TUBB8B: variants seen among roughly 807,000 people sequenced by gnomAD.
TUBB8B encodes tubulin beta 8B, also known as HSA18p11 beta-tubulin 4Q pseudogene.
A neutral mutation model predicts 31.9 loss-of-function variants in TUBB8B; 26 were observed. The ratio of observed to expected loss-of-function variants is 0.81; its 90% CI spans 0.60 to 1.13. TUBB8B has a LOEUF of 1.13. Among genes scored for constraint, TUBB8B ranks in the 50% most tolerant of loss-of-function variants. The probability of loss-of-function intolerance (pLI) is 0.00; values close to 1 mark genes in which losing one functional copy is unlikely to be tolerated. For missense variants in TUBB8B, 467 were observed against 586.7 expected, an observed-to-expected ratio of 0.80 and a Z score of 2.11; for synonymous variants, 173 against 231.0, an observed-to-expected ratio of 0.75 and a Z score of 2.28.
the TUBB8B span, among the ~76,000 whole-genome samples, chr18:65,038 C>A: frequency 6.6e-6 from 1 of 152,058 alleles, no homozygotes; most frequent in East Asian, 1.9e-4. Context: ...CGGTGGCTCA[C>A]ACCTGAAATC....
chr18:58,591 C>T, the TUBB8B span, among the ~76,000 whole-genome samples: 1 of 151,726 alleles, frequency 6.6e-6, no homozygotes, highest in South Asian at 2.1e-4. Context: ...TCACTATCAG[C>T]ATTTTCGTCA....
chr18:52,851 C>A (rs1198499812), upstream of TUBB8B, among the ~76,000 whole-genome samples: 1 of 151,696 alleles, frequency 6.6e-6, no homozygotes, highest in East Asian at 1.9e-4. Context: ...AATGCATTGT[C>A]TTTTGTTAGT....
chr18:49,393 C>T, intron 1 of TUBB8B, 108 bp downstream of exon 1: 2 of 802,330 alleles, frequency 2.5e-6, no homozygotes, highest in African/African-American at 3.4e-5. Flanking sequence ...CCGTCCCCGG[C>T]AGGGAGCCCA....
chr18:65,102 A>T, the TUBB8B span, among the ~76,000 whole-genome samples: 2 of 152,066 alleles, frequency 1.3e-5, no homozygotes, highest in Non-Finnish European at 2.9e-5. Context: ...GGAGTTTGAG[A>T]CCCGTCTTGC....
At chr18:53,939 A>G (rs1568386179), upstream of TUBB8B, among the ~76,000 whole-genome samples, 1 of 151,744 alleles carries the variant, frequency 6.6e-6, no homozygotes, top group Non-Finnish European at 1.5e-5. Flanking sequence ...CATACCTCTT[A>G]GTTTCAAGAT....
At chr18:71,724 A>C in the TUBB8B span, among the ~76,000 whole-genome samples, 3 of 150,836 alleles carry the variant, frequency 2.0e-5, no homozygotes, top group Non-Finnish European at 4.4e-5. Context: ...CCTCTATTAA[A>C]AATACAAAAT....
At chr18:72,698 C>G in the TUBB8B span, among the ~76,000 whole-genome samples, 8 of 152,120 alleles carry the variant, frequency 5.3e-5, no homozygotes, top group East Asian at 9.7e-4. Context: ...GGCGACGTGG[C>G]TCACGCCTGT....
chr18:48,342 T>C lies in TUBB8B; in HGVS notation c.383A>G (p.Asp128Gly). Residue 128 changes from aspartate (D) to glycine (G), a missense_variant, in exon 4 of 4, where the codon GAC (aspartate) becomes GGC (glycine). Asp to Gly is a moderately conservative substitution (Grantham distance 94, BLOSUM62 -1). Around this residue, in one of 2 missense-constraint regions of TUBB8B, gnomAD observed 259 missense variants for 380.1 expected, o/e 0.68. Coordinates refer to ENST00000308911, the MANE Select transcript of TUBB8B (RefSeq NM_001358689.2). ...GGTCAGCTGGAAACCCTGCAGGCAG[T>C]CACAGCTCTCAGCCTCCTTTCTGAC... ...DVVRKEAESC[D>G]CLQGFQLTHS... 1 of 1,609,892 alleles carries C rather than the reference T, an allele frequency of 6.2e-7. No homozygotes were observed. The highest frequency in any genetic ancestry group is 8.5e-7 in the Non-Finnish European group (1 of 1,176,494).
At chr18:68,584 T>C in the TUBB8B span, among the ~76,000 whole-genome samples, 12 of 152,174 alleles carry the variant, frequency 7.9e-5, no homozygotes, top group Non-Finnish European at 1.6e-4. Flanking sequence ...CTCAGCCCAA[T>C]GCTTGCTCTC....
At chr18:63,361 C>T in the TUBB8B span, among the ~76,000 whole-genome samples, 2 of 151,768 alleles carry the variant, frequency 1.3e-5, no homozygotes, top group African/African-American at 2.4e-5. Context: ...CTGTGGTGGC[C>T]TTGGATTAAC....
the TUBB8B span, among the ~76,000 whole-genome samples, chr18:57,875 G>T: frequency 6.6e-6 from 1 of 151,926 alleles, no homozygotes. Flanking sequence ...ACACTCACAG[G>T]CCTAACACCA....
the TUBB8B span, among the ~76,000 whole-genome samples, chr18:63,628 C>A: frequency 6.6e-6 from 1 of 151,800 alleles, no homozygotes; most frequent in East Asian, 1.9e-4. Context: ...TAGCCCTAGC[C>A]CTAACCCTAA....
the TUBB8B span, among the ~76,000 whole-genome samples, chr18:56,025 T>A: frequency 6.6e-6 from 1 of 151,892 alleles, no homozygotes; most frequent in Non-Finnish European, 1.5e-5. Context: ...CAAGAAATAG[T>A]GTTGTAGTTT....
chr18:64,344 T>C, the TUBB8B span, among the ~76,000 whole-genome samples: 1 of 152,150 alleles, frequency 6.6e-6, no homozygotes, highest in Non-Finnish European at 1.5e-5. Flanking sequence ...CCCAAAGAAC[T>C]CTCAACTAAG....
At chr18:51,798 C>T (rs796156812), upstream of TUBB8B, among the ~76,000 whole-genome samples, 6 of 151,308 alleles carry the variant, frequency 4.0e-5, no homozygotes, top group African/African-American at 1.5e-4. Context: ...TGTTCCTCAC[C>T]TGCCTTCTGC....
the TUBB8B span, among the ~76,000 whole-genome samples, chr18:59,044 T>A: frequency 1.3e-5 from 2 of 151,868 alleles, no homozygotes; most frequent in African/African-American, 4.8e-5. Context: ...ATCATGAAGA[T>A]AGTACCAAGT....
At chr18:67,062 C>T in the TUBB8B span, among the ~76,000 whole-genome samples, 1 of 149,718 alleles carries the variant, frequency 6.7e-6, no homozygotes, top group Admixed American at 6.7e-5. Context: ...GTGGCAAGAT[C>T]TCGGCTCACT....
Position 48,064 on chromosome 18 carries a change from TG to T in TUBB8B, c.660del (p.Thr221ProfsTer5), listed in dbSNP as rs1568382837. 1 of 1,613,546 alleles carries T rather than the reference TG, an allele frequency of 6.2e-7. No individual in the cohort carries two copies. Among genetic ancestry groups the T allele is most frequent in the Non-Finnish European group, 8.5e-7 (1 of 1,179,910 alleles). On this transcript the variant is annotated frameshift_variant, in exon 4 of 4. Transcript: ENST00000308911. LOFTEE classifies it high-confidence loss of function. ...ICSRTLKLPT[P>X]TYGDLNHLVS... is the part of the protein sequence containing the mutation. Reference sequence around the variant, plus strand: ...ACCAGGTGGTTCAGGTCACCATAGGTGGGTGTGGGCAGTTTTAGGGTCCTGG... The same window carrying T: ...ACCAGGTGGTTCAGGTCACCATAGGTGGTGTGGGCAGTTTTAGGGTCCTGG...
chr18:50,610 G>C (rs77846770), upstream of TUBB8B: 1 of 152,028 alleles, frequency 6.6e-6, no homozygotes, highest in African/African-American at 2.4e-5. Context: ...AAAGAATCAT[G>C]AAAGTGCTGA....
Sources: gnomAD v4.1 joint callset for allele counts (sites outside exome capture counted in the v4.1 genomes callset) on GRCh38, gnomAD v4.1.1 for gene constraint, gnomAD v4.1.1 regional missense constraint, MANE v1.5 for transcripts, NCBI Gene and HGNC (gene_info 2026-07-23, HGNC 2026-07-21) for gene names.